Variants in NFKBIZ observed in about 807,000 individuals in gnomAD.
NFKBIZ encodes the protein NFKB inhibitor zeta.
In NFKBIZ, 19 loss-of-function variants were observed where a neutral mutation model predicts 76.8. The observed-to-expected ratio is 0.25, with a 90% CI of 0.17 to 0.36. NFKBIZ has a LOEUF of 0.36. Among genes scored for constraint, NFKBIZ ranks in the 10% least tolerant of loss-of-function variants. The pLI is 1.00. For missense variants in NFKBIZ, 829 were observed against 910.9 expected (o/e 0.91, Z 1.16); for synonymous variants, 368 against 354.8 (o/e 1.04, Z -0.42).
rs1305078934 is a variant in NFKBIZ, at chr3:101,853,762, G to A, written c.1236G>A (p.Gln412=). The stretch of plus-strand genomic sequence containing the variant: ...TGGGAAATCCAATGAACACCACACA[G>A]TTAGGGAAATCACTTTTTCAGTGGC... ...SNMGNPMNTT[Q]LGKSLFQWQV... is the part of the protein sequence containing the mutation. The change falls in exon 5 of 12, where the codon CAG becomes CAA. Residue 412 remains glutamine (Q), a synonymous_variant. Coordinates refer to ENST00000326172, the MANE Select transcript of NFKBIZ (RefSeq NM_031419.4). The A allele has an allele frequency of 5.0e-6, 8 of 1,614,074 alleles. No homozygotes were observed. The highest frequency in any genetic ancestry group is 6.8e-6 in the Non-Finnish European group (8 of 1,180,044).
At chr3:101,858,317 T>TA in intron 11 of NFKBIZ, 2 of 967,836 alleles carry the variant, frequency 2.1e-6, no homozygotes, top group Non-Finnish European at 2.5e-6. Flanking sequence ...CTATAGTTTG[T>TA]AAAAAGTTTT....
chr3:101,853,859 G>A lies in NFKBIZ; in HGVS notation c.1333G>A (p.Asp445Asn). ...DQFLSKDADG[D>N]TFLHIAVAQG... ...GTTTCTTTCAAAGGATGCAGATGGT[G>A]ACACGTGAGTATTCTTTTATCTCAT... The change falls in exon 5 of 12, where the codon GAC becomes AAC. Residue 445 changes from aspartate to asparagine, a missense_variant. This residue lies in a region of NFKBIZ where 272 missense variants were observed against 384.2 expected (regional missense o/e 0.71). Transcript: ENST00000326172. 1 of 1,611,914 alleles carries A rather than the reference G, an allele frequency of 6.2e-7. No homozygotes were observed.
In NFKBIZ at chr3:101,853,588, T is replaced by G. The variant is rs1415457441; in HGVS notation, c.1062T>G (p.Ala354=). The part of the protein sequence containing the change: ...LGDQRESENI[A]NPMQTSSSVQ... ...ATCAAAGGGAATCTGAGAATATTGC[T>G]AATCCCATGCAGACTTCCTCCAGTG... The change falls in exon 5 of 12, where the codon GCT becomes GCG. Residue 354 remains alanine (A), a synonymous_variant. Transcript: ENST00000326172. 6.2e-7 allele frequency: 1 copy of G among 1,614,252 alleles called. No homozygotes were observed. Among genetic ancestry groups the G allele is most frequent in the South Asian group, 1.1e-5 (1 of 91,090 alleles).
In NFKBIZ at chr3:101,849,909, G is replaced by A; in HGVS notation, c.281G>A (p.Arg94His). ...TCGAGAGGCGGCGCCCGCGCCGAGC[G>A]CCAGCCAGGTACCCGCCGGCCCCGC... is the stretch of plus-strand genomic sequence containing the variant. ...SRSRGGARAE[R>H]QPVEPHMGVG... Residue 94 changes from arginine to histidine, a missense_variant, in exon 1 of 12, where the codon CGC becomes CAC. Transcript: ENST00000326172. 3 of 1,423,314 alleles carry A rather than the reference G, an allele frequency of 2.1e-6. No homozygotes were observed. Among genetic ancestry groups the A allele is most frequent in the Non-Finnish European group, 2.7e-6 (3 of 1,096,576 alleles). The allele number at this position is 1,423,314 out of a possible 1,614,324, so 88.2% of individuals were successfully genotyped here. A position where few individuals can be genotyped will look rare whatever the true frequency, so the allele number is the denominator to read the frequency against.
chr3:101,858,180 T>C (rs1353492843), intron 11 of NFKBIZ: 5 of 985,424 alleles, frequency 5.1e-6, no homozygotes, highest in Admixed American at 6.1e-5. Context: ...TTACATACTT[T>C]ACTAATCACA....
At chr3:101,853,016 C>G (rs753055322) in intron 4 of NFKBIZ, 27 bp downstream of exon 4, 13 of 1,613,192 alleles carry the variant, frequency 8.1e-6, no homozygotes, top group Non-Finnish European at 1.1e-5. Context: ...TTTCCTCTGA[C>G]TATCCTTTGG....
intron 2 of NFKBIZ, among the ~76,000 whole-genome samples, chr3:101,842,297 A>G (rs560554302): frequency 2.0e-5 from 3 of 152,208 alleles, no homozygotes; most frequent in Non-Finnish European, 4.4e-5. Context: ...GCTGTGGGAA[A>G]CTATACTCAG....
rs1368393969 is a variant in NFKBIZ, at chr3:101,859,489, C to G, written c.*118C>G. 1.4e-6 allele frequency: 1 copy of G among 734,420 alleles called. No homozygotes were observed. Among genetic ancestry groups the G allele is most frequent in the Admixed American group, 2.2e-5 (1 of 44,908 alleles). The allele number at this position is 734,420 out of a possible 1,614,324, so 45.5% of individuals were successfully genotyped here. On this transcript the variant is annotated 3_prime_UTR_variant, in exon 12 of 12. Transcript: ENST00000326172. The stretch of plus-strand genomic sequence containing the variant: ...ATGTAAGTTGTTTCTATGAAACAAA[C>G]ATATTTAGTTCACTATTATATAGTG...
At chr3:101,848,568 C>A (rs937151553), upstream of NFKBIZ, among the ~76,000 whole-genome samples, 3 of 152,176 alleles carry the variant, frequency 2.0e-5, no homozygotes, top group African/African-American at 7.2e-5. Flanking sequence ...GTGTACTTAA[C>A]CTTATCATTC....
rs939805544 is a variant in NFKBIZ at position 101,850,028 on chromosome 3, G to C, written c.289+111G>C. ...CCTGCGCCCTCCTTAGAGCTAGGAC[G>C]TACGCACCTTAGCCATCAATTACCA... On this transcript the variant is annotated intron_variant, in intron 1 of 11. Coordinates refer to ENST00000326172, the MANE Select transcript of NFKBIZ (RefSeq NM_031419.4). The C allele has an allele frequency of 6.6e-6, 7 of 1,060,698 alleles. No homozygotes were observed. In the African/African-American group the frequency reaches 1.2e-4, roughly 18 times the overall value. The allele number at this position is 1,060,698 out of a possible 1,614,324, so 65.7% of individuals were successfully genotyped here.
rs749788088 is a variant in NFKBIZ, at chr3:101,857,231, G to T, written c.1935+48G>T. 9.1e-6 allele frequency: 12 copies of T among 1,313,606 alleles called. No homozygotes were observed. The South Asian group carries it at 1.6e-4, about 17-fold the overall frequency. The allele number at this position is 1,313,606 out of a possible 1,614,324, so 81.4% of individuals were successfully genotyped here. ...TTCTGTACACCCTCTCAAAGTTTTT[G>T]AGCTCCTTTCATGAAATTTCCCCCT... On this transcript the variant is annotated intron_variant, in intron 10 of 11. Coordinates refer to ENST00000326172, the MANE Select transcript of NFKBIZ (RefSeq NM_031419.4).
chr3:101,835,436 C>CAAT (rs1329095445), intron 2 of NFKBIZ, among the ~76,000 whole-genome samples: 1 of 152,182 alleles, frequency 6.6e-6, no homozygotes, highest in African/African-American at 2.4e-5. Context: ...TGCCGTAACA[C>CAAT]AATACCACAG....
chr3:101,850,360 C>T (rs1249676292), intron 1 of NFKBIZ: 3 of 155,842 alleles, frequency 1.9e-5, no homozygotes, highest in East Asian at 1.9e-4. Flanking sequence ...ACTTATTTCT[C>T]AGTTTTTATG....
intron 2 of NFKBIZ, among the ~76,000 whole-genome samples, chr3:101,837,973 GACTT>G (rs1942744145): frequency 6.6e-6 from 1 of 152,202 alleles, no homozygotes; most frequent in African/African-American, 2.4e-5. Context: ...ATAGTTGTCT[GACTT>G]ACAAATTCTA....
intron 2 of NFKBIZ, among the ~76,000 whole-genome samples, chr3:101,836,362 C>A (rs2107397023): frequency 6.6e-6 from 1 of 152,348 alleles, no homozygotes; most frequent in East Asian, 1.9e-4. Context: ...TCTCCGGGAA[C>A]TCTCTACGTA....
chr3:101,855,562 T>G (rs1320748926), intron 8 of NFKBIZ, 104 bp downstream of exon 8: 1 of 1,308,292 alleles, frequency 7.6e-7, no homozygotes, highest in East Asian at 2.3e-5. Flanking sequence ...GCTAAAATAT[T>G]CTGTAGGTAA....
upstream of NFKBIZ, among the ~76,000 whole-genome samples, chr3:101,846,536 G>A (rs1253264454): frequency 1.3e-5 from 2 of 152,158 alleles, no homozygotes; most frequent in Admixed American, 1.3e-4. Context: ...TCTTGGTCTA[G>A]ATTAAGTTCT....
chr3:101,849,442 CCGGGCCGGGCGCCGGGGAGGT>C (rs1942909296), upstream of NFKBIZ: 2 of 417,498 alleles, frequency 4.8e-6, no homozygotes, highest in Non-Finnish European at 8.0e-6. Flanking sequence ...CCGCCAATGG[CCGGGCCGGGCGCCGGGGAGGT>C]CGGCGAGCGC....
chr3:101,854,659 G>T lies in NFKBIZ; in HGVS notation c.1419G>T (p.Leu473=). 6.2e-7 allele frequency: 1 copy of T among 1,613,698 alleles called. No individual in the cohort carries two copies. Among genetic ancestry groups the T allele is most frequent in the Non-Finnish European group, 8.5e-7 (1 of 1,179,716 alleles). The change falls in exon 6 of 12, where the codon CTG becomes CTT. Residue 473 remains leucine, a synonymous_variant. Transcript: ENST00000326172. The stretch of plus-strand genomic sequence containing the variant: ...GAAAGATGAATGCACTTCACATGCT[G>T]GATATTAAAGAGCACAATGGACAGG... ...LARKMNALHM[L]DIKEHNGQSA...
Sources: gnomAD v4.1 joint callset for allele counts (sites outside exome capture counted in the v4.1 genomes callset) on GRCh38, gnomAD v4.1.1 for gene constraint, gnomAD v4.1.1 regional missense constraint, MANE v1.5 for transcripts, NCBI Gene and HGNC (gene_info 2026-07-23, HGNC 2026-07-21) for gene names.